DHTKD1: variants seen among roughly 807,000 people sequenced by gnomAD.
DHTKD1 encodes dehydrogenase E1 and transketolase domain containing 1, also known as 2-oxoadipate dehydrogenase complex component E1.
Under a neutral mutation model 101.8 loss-of-function variants are expected in DHTKD1, and 78 were observed. That is an observed-to-expected ratio of 0.77 (90% CI 0.64 to 0.93). The LOEUF (loss-of-function observed/expected upper bound fraction) is 0.93, where lower values mean the gene tolerates loss of function less well. Among genes scored for constraint, DHTKD1 ranks in the 40% least tolerant of loss-of-function variants. The pLI is 0.00. For missense variants in DHTKD1, 1,223 were observed against 1,161.7 expected (o/e 1.05, Z -0.77); for synonymous variants, 462 against 450.3 (o/e 1.03, Z -0.33).
chr10:12,080,204 G>C (rs1405764510), intron 1 of DHTKD1, among the ~76,000 whole-genome samples: 1 of 150,160 alleles, frequency 6.7e-6, no homozygotes, highest in Non-Finnish European at 1.5e-5. Context: ...GGAGGCTGAA[G>C]AAGGAGAATG....
At chr10:12,085,287 G>C (rs1832880672) in intron 3 of DHTKD1, among the ~76,000 whole-genome samples, 1 of 151,960 alleles carries the variant, frequency 6.6e-6, no homozygotes, top group African/African-American at 2.4e-5. Context: ...TCCAGCCTGG[G>C]TGACAGAGCG....
chr10:12,106,145 AG>A (rs1366291051), intron 10 of DHTKD1, 100 bp from the exon 11 acceptor site: 10 of 1,210,348 alleles, frequency 8.3e-6, no homozygotes, highest in Non-Finnish European at 1.2e-5. Flanking sequence ...AACGAGAGCA[AG>A]GCTCCCTCTC....
intron 6 of DHTKD1, among the ~76,000 whole-genome samples, chr10:12,092,729 G>T (rs975469474): frequency 6.6e-6 from 1 of 151,954 alleles, no homozygotes; most frequent in African/African-American, 2.4e-5. Context: ...CTTGAACCTG[G>T]GAGGCGGAGG....
chr10:12,072,739 CTT>C (rs1271574765), intron 1 of DHTKD1, among the ~76,000 whole-genome samples: 20 of 140,716 alleles, frequency 1.4e-4, no homozygotes, highest in Admixed American at 1.4e-4. Context: ...GGTGTTCTTC[CTT>C]TTTTTTTTTT....
Position 12,120,890 on chromosome 10 carries a change from G to C in DHTKD1, c.*2G>C, listed in dbSNP as rs559413854. ...ATCCTCGCCAAGACCTTCGCTTGAT[G>C]ATGACTTTTGAAGAAACACTATTTC... On this transcript the variant is annotated 3_prime_UTR_variant, in exon 17 of 17. Coordinates refer to ENST00000263035, the MANE Select transcript of DHTKD1 (RefSeq NM_018706.7). 3 of 1,612,814 alleles carry C rather than the reference G, an allele frequency of 1.9e-6. No individual in the cohort carries two copies. Among genetic ancestry groups the C allele is most frequent in the Non-Finnish European group, 1.7e-6 (2 of 1,179,166 alleles).
rs970491981 is a variant in DHTKD1 at position 12,121,272 on chromosome 10, C to T, written c.*384C>T. On this transcript the variant is annotated 3_prime_UTR_variant, in exon 17 of 17. Coordinates refer to ENST00000263035, the MANE Select transcript of DHTKD1 (RefSeq NM_018706.7). ...AAGAGGCCTCCTTCCTCCACTCTCT[C>T]AACCCCTCTGTTGGGTAACATGAAA... 4.7e-6 allele frequency: 1 copy of T among 211,646 alleles called. No homozygotes were observed. The highest frequency in any genetic ancestry group is 9.7e-6 in the Non-Finnish European group (1 of 103,252). 13.1% of individuals were successfully genotyped at this position (211,646 alleles called of 1,614,324 possible).
chr10:12,120,760 T>C (rs751330025), intron 16 of DHTKD1, 27 bp from the exon 17 acceptor site: 1 of 1,597,362 alleles, frequency 6.3e-7, no homozygotes, highest in Admixed American at 1.7e-5. Flanking sequence ...AAAATGTCAT[T>C]TTATTTCTTC....
Position 12,087,502 on chromosome 10 carries a change from C to T in DHTKD1, c.523-33C>T, listed in dbSNP as rs534804740. On this transcript the variant is annotated intron_variant, in intron 3 of 16. Transcript: ENST00000263035. This position sits in a 1 kb window ranked among gnomAD's most constrained non-coding sequence, Gnocchi z 5.2. ...TTCCACTGGAGAAGCTGGCTGTCTC[C>T]TGGCAGCTCACGTCTGACATGATGT... The T allele has an allele frequency of 1.9e-6, 3 of 1,544,916 alleles. No homozygotes were observed. Among genetic ancestry groups the T allele is most frequent in the South Asian group, 2.5e-5 (2 of 80,218 alleles).
At chr10:12,095,588 C>G (rs1240071780) in intron 7 of DHTKD1, among the ~76,000 whole-genome samples, 1 of 151,616 alleles carries the variant, frequency 6.6e-6, no homozygotes, top group African/African-American at 2.4e-5. Flanking sequence ...CCGAGGCGGG[C>G]GGATCACGAG....
chr10:12,070,850 G>A (rs532343771), intron 1 of DHTKD1, among the ~76,000 whole-genome samples: 24 of 152,312 alleles, frequency 1.6e-4, no homozygotes, highest in Middle Eastern at 3.4e-3. Context: ...TCATTAGGGA[G>A]CTCCAACTTG....
chr10:12,085,181 A>G (rs1418372663), intron 3 of DHTKD1, among the ~76,000 whole-genome samples: 2 of 152,100 alleles, frequency 1.3e-5, no homozygotes, highest in African/African-American at 4.8e-5. Flanking sequence ...GTGATGGTGC[A>G]CACCTATAAT....
intron 15 of DHTKD1, among the ~76,000 whole-genome samples, chr10:12,119,592 G>A (rs1407577547): frequency 2.8e-5 from 4 of 144,586 alleles, no homozygotes; most frequent in African/African-American, 1.1e-4. Flanking sequence ...CTCCAGCCTG[G>A]GCGACAGAGC....
chr10:12,098,883 T>A (rs558262613), intron 8 of DHTKD1, among the ~76,000 whole-genome samples: 1 of 152,246 alleles, frequency 6.6e-6, no homozygotes. Flanking sequence ...TTTCAAACAC[T>A]AACTTGGCCA....
At chr10:12,076,697 C>T (rs933430607) in intron 1 of DHTKD1, among the ~76,000 whole-genome samples, 5 of 151,670 alleles carry the variant, frequency 3.3e-5, no homozygotes, top group East Asian at 1.9e-4. Context: ...TTTGCTGTGT[C>T]GCCCAGGCTG....
chr10:12,095,828 AAAAAAGAAAAG>A (rs1833062181), intron 7 of DHTKD1, among the ~76,000 whole-genome samples: 1 of 122,704 alleles, frequency 8.1e-6, no homozygotes, highest in Non-Finnish European at 1.7e-5. Flanking sequence ...AAAAAAAAAA[AAAAAAGAAAAG>A]AAAAGAAAAG....
At chr10:12,085,619 C>T (rs935337728) in intron 3 of DHTKD1, among the ~76,000 whole-genome samples, 2 of 152,148 alleles carry the variant, frequency 1.3e-5, no homozygotes, top group Non-Finnish European at 2.9e-5. Flanking sequence ...TGGCTCGCGC[C>T]TGTCATCCCA....
intron 13 of DHTKD1, 40 bp downstream of exon 13, chr10:12,113,104 A>AT (rs758797335): frequency 1.2e-5 from 18 of 1,512,682 alleles, no homozygotes; most frequent in South Asian, 2.5e-5. Flanking sequence ...TCCTTTTGTC[A>AT]TTTTTTGCAC....
At chr10:12,077,676 GA>G (rs922121519) in intron 1 of DHTKD1, among the ~76,000 whole-genome samples, 10 of 152,312 alleles carry the variant, frequency 6.6e-5, no homozygotes, top group South Asian at 4.1e-4. Flanking sequence ...TAATGATAGG[GA>G]GATGTCAATG....
At chr10:12,072,496 T>TAC (rs1182433618) in intron 1 of DHTKD1, among the ~76,000 whole-genome samples, 1 of 143,926 alleles carries the variant, frequency 6.9e-6, no homozygotes, top group African/African-American at 2.6e-5. Context: ...AATAAATAAA[T>TAC]AAATAAATAC....
Sources: allele counts gnomAD v4.1 joint callset (sites outside exome capture counted in the v4.1 genomes callset), GRCh38; gene constraint gnomAD v4.1.1; non-coding constraint Gnocchi (gnomAD v3.1); transcripts MANE v1.5; gene names NCBI Gene and HGNC (gene_info 2026-07-23, HGNC 2026-07-21).